Variants in NDC80 observed in about 807,000 individuals in gnomAD.
The protein encoded by NDC80 is NDC80 kinetochore complex component.
NDC80 carries 69 observed loss-of-function variants against 89.3 expected under a neutral mutation model. The observed-to-expected ratio is 0.77, with a 90% CI of 0.64 to 0.94. The LOEUF is 0.94. Ranked by LOEUF, NDC80 falls within the 40% of genes least tolerant of loss-of-function variation. The pLI, the probability that NDC80 is intolerant of heterozygous loss-of-function variation, is 0.00. For synonymous variants in NDC80, 243 were observed against 255.6 expected (o/e 0.95, Z 0.47); for missense variants, 593 against 739.6 (o/e 0.80, Z 2.30).
In NDC80 at chr18:2,605,284, G is replaced by A. The variant is rs1440832938; in HGVS notation, c.1465-1131G>A. ...GGGCGGGCTATATGTATGTGTGTGT[G>A]TGTGTGTGTGTGTGTGTGTGTGTGT... On this transcript the variant is annotated intron_variant, in intron 13 of 16. Transcript: ENST00000261597. Among the ~76,000 whole-genome samples the A allele has an allele frequency of 8.5e-3, 613 of 71,854 alleles. 9 individuals are homozygous for A. The highest frequency in any genetic ancestry group is 0.037 in the African/African-American group (584 of 15,940). 47.1% of individuals were successfully genotyped at this position (71,854 alleles called of 152,430 possible).
At chr18:2,590,742 T>C (rs1185962573) in intron 10 of NDC80, among the ~76,000 whole-genome samples, 6 of 152,198 alleles carry the variant, frequency 3.9e-5, no homozygotes, top group African/African-American at 1.4e-4. Context: ...TAGGTGGCCA[T>C]TGTTCAACCT....
In NDC80 at chr18:2,578,136, C is replaced by T. The variant is rs562115809; in HGVS notation, c.471C>T (p.Asp157=). The change falls in exon 5 of 17, where the codon GAC becomes GAT. Residue 157 remains aspartate (D), a synonymous_variant. Transcript: ENST00000261597. ...AAGAGGTTCCAAGAATCTTTAAAGA[C>T]CTTGGGTATGTATATTTCTTATTAG... is the stretch of plus-strand genomic sequence containing the variant. ...FEEEVPRIFK[D]LGYPFALSKS... 6.2e-7 allele frequency: 1 copy of T among 1,612,950 alleles called. No individual in the cohort carries two copies. Among genetic ancestry groups the T allele is most frequent in the East Asian group, 2.2e-5 (1 of 44,840 alleles).
intron 6 of NDC80, among the ~76,000 whole-genome samples, chr18:2,581,163 C>G (rs886352311): frequency 6.6e-6 from 1 of 152,118 alleles, no homozygotes; most frequent in African/African-American, 2.4e-5. Flanking sequence ...TAACATAAGC[C>G]TAGAAATTAA....
chr18:2,597,515 G>A (rs546534026), intron 11 of NDC80, among the ~76,000 whole-genome samples: 2 of 152,286 alleles, frequency 1.3e-5, no homozygotes, highest in East Asian at 3.9e-4. Context: ...TGGATCATCA[G>A]AAGTTATGAC....
chr18:2,595,658 A>T, intron 11 of NDC80, 37 bp downstream of exon 11: 1 of 1,579,762 alleles, frequency 6.3e-7, no homozygotes. Flanking sequence ...AACTCATCAT[A>T]GCTGACCTTT....
intron 8 of NDC80, among the ~76,000 whole-genome samples, chr18:2,588,953 A>C (rs1392485612): frequency 6.6e-6 from 1 of 152,152 alleles, no homozygotes; most frequent in Non-Finnish European, 1.5e-5. Context: ...AAAGAGGAAA[A>C]TAATGAAATG....
chr18:2,607,901 T>C (rs1300126608), intron 14 of NDC80, among the ~76,000 whole-genome samples: 1 of 147,018 alleles, frequency 6.8e-6, no homozygotes, highest in Admixed American at 6.8e-5. Flanking sequence ...ATCATGGATA[T>C]CTTTTCATAC....
chr18:2,581,626 T>A (rs920178178), intron 6 of NDC80, among the ~76,000 whole-genome samples: 8 of 152,248 alleles, frequency 5.3e-5, no homozygotes, highest in African/African-American at 1.9e-4. Context: ...ACCACTGCAC[T>A]GCAGCCTAGG....
chr18:2,598,675 G>T (rs2143656218), intron 11 of NDC80, among the ~76,000 whole-genome samples: 1 of 152,210 alleles, frequency 6.6e-6, no homozygotes, highest in Admixed American at 6.5e-5. Context: ...ACTAAGATTG[G>T]TTTGTTTTAC....
chr18:2,611,054 T>TTC (rs2143670796), intron 16 of NDC80, among the ~76,000 whole-genome samples, 193 bp downstream of exon 16: 1 of 149,844 alleles, frequency 6.7e-6, no homozygotes, highest in African/African-American at 2.5e-5. Context: ...CATTTTTTTT[T>TTC]TTTTTTTTTT....
At position 2,589,199 on chromosome 18, in the gene NDC80, T is replaced by C; in HGVS notation, c.764-5T>C. 1 of 1,599,398 alleles carries C rather than the reference T, an allele frequency of 6.3e-7. No individual in the cohort carries two copies. Among genetic ancestry groups the C allele is most frequent in the Non-Finnish European group, 8.6e-7 (1 of 1,167,346 alleles). ...TCTTAAAAAGCTTTTGGATTTTGTCTCCAGAGGATTTATTTAATGTGGATG... is the reference window on the plus strand; with the variant it reads ...TCTTAAAAAGCTTTTGGATTTTGTCCCCAGAGGATTTATTTAATGTGGATG... On this transcript the variant is annotated splice_polypyrimidine_tract_variant and splice_region_variant and intron_variant, in intron 8 of 16. Transcript: ENST00000261597.
chr18:2,608,658 G>A, intron 14 of NDC80, 42 bp from the exon 15 acceptor site: 1 of 1,578,020 alleles, frequency 6.3e-7, no homozygotes, highest in South Asian at 1.1e-5. Context: ...TATACAGAAT[G>A]TGAATATCAA....
chr18:2,609,664 A>G (rs960664571), intron 15 of NDC80, among the ~76,000 whole-genome samples: 1 of 152,220 alleles, frequency 6.6e-6, no homozygotes, highest in Admixed American at 6.5e-5. Flanking sequence ...GATTTGAGAA[A>G]TGGGCATTCA....
At position 2,595,466 on chromosome 18, in the gene NDC80, A is replaced by G. The variant is rs545682917; in HGVS notation, c.1066A>G (p.Ile356Val). ...KQENTRLQNI[I>V]DNQKYSVADI... Reference sequence around the variant, plus strand: ...GGAGAACACTCGACTACAGAATATCATTGACAACCAGAAGTACTCAGTTGC... The same window carrying G: ...GGAGAACACTCGACTACAGAATATCGTTGACAACCAGAAGTACTCAGTTGC... The change falls in exon 11 of 17, where the codon ATT becomes GTT. Residue 356 changes from isoleucine to valine, a missense_variant. Physicochemically the swap from Ile to Val is conservative, Grantham distance 29. Coordinates refer to ENST00000261597, the MANE Select transcript of NDC80 (RefSeq NM_006101.3). The G allele has an allele frequency of 1.2e-6, 2 of 1,613,930 alleles. No individual in the cohort carries two copies. Among genetic ancestry groups the G allele is most frequent in the Non-Finnish European group, 1.7e-6 (2 of 1,179,876 alleles).
chr18:2,609,614 A>G (rs746052852), intron 15 of NDC80, among the ~76,000 whole-genome samples: 1 of 152,244 alleles, frequency 6.6e-6, no homozygotes, highest in African/African-American at 2.4e-5. Context: ...TAATGCTACA[A>G]TAAATATGGG....
intron 3 of NDC80, among the ~76,000 whole-genome samples, chr18:2,576,006 G>T (rs1400906948): frequency 2.7e-5 from 4 of 145,572 alleles, no homozygotes; most frequent in Non-Finnish European, 6.2e-5. Flanking sequence ...GGCTTAGGCA[G>T]GAGGTTTACT....
rs2072609825 is a variant in NDC80, at chr18:2,587,859, T to C, written c.699T>C (p.Tyr233=). Residue 233 remains tyrosine (Y), a synonymous_variant, in exon 8 of 17, where the codon TAT becomes TAC. Transcript: ENST00000261597. Reference sequence around the variant, plus strand: ...TTTTGGACTACACCATAAAATGCTATGAGAGTTTTATGAGTGGTGCCGACA... The same window carrying C: ...TTTTGGACTACACCATAAAATGCTACGAGAGTTTTATGAGTGGTGCCGACA... ...KLFLDYTIKC[Y]ESFMSGADSF... is the part of the protein sequence containing the mutation. 6.2e-7 allele frequency: 1 copy of C among 1,612,016 alleles called. No homozygotes were observed. The highest frequency in any genetic ancestry group is 1.7e-5 in the Admixed American group (1 of 60,018).
chr18:2,610,975 A>G, intron 16 of NDC80, 114 bp downstream of exon 16: 1 of 643,444 alleles, frequency 1.6e-6, no homozygotes, highest in Non-Finnish European at 2.3e-6. Context: ...TTAAAGTATG[A>G]TCTGGCAAAA....
rs2072762738 is a variant in NDC80, at chr18:2,614,466, A to ATTTGGCAATCC, written c.1792-1971_1792-1970insTTTGGCAATCC. The ATTTGGCAATCC allele has an allele frequency of 2.9e-4, 2 of 6,962 alleles. 1 individual carries two copies. Among genetic ancestry groups the ATTTGGCAATCC allele is most frequent in the African/African-American group, 1.3e-3 (2 of 1,490 alleles). 0.4% of individuals were successfully genotyped at this position (6,962 alleles called of 1,614,324 possible). Reference sequence around the variant, plus strand: ...AAGAAAGAAAGAAAGAAAGAAAGAAAGAAAGAAAGAAAGAAAGGAAGGAAG... The same window carrying ATTTGGCAATCC: ...AAGAAAGAAAGAAAGAAAGAAAGAAATTTGGCAATCCGAAAGAAAGAAAGAAAGGAAGGAAG... On this transcript the variant is annotated intron_variant, in intron 16 of 16. Transcript: ENST00000261597.
Sources: allele counts gnomAD v4.1 joint callset (sites outside exome capture counted in the v4.1 genomes callset), GRCh38; gene constraint gnomAD v4.1.1; transcripts MANE v1.5; gene names NCBI Gene and HGNC (gene_info 2026-07-23, HGNC 2026-07-21).